The following TBCK variants were observed in gnomAD, a reference collection of about 807,000 sequenced individuals.
The protein encoded by TBCK is TBC1 domain containing kinase.
In TBCK, 99 loss-of-function variants were observed where a neutral mutation model predicts 113.4. That is an observed-to-expected ratio of 0.87 (90% CI 0.74 to 1.03). The LOEUF (loss-of-function observed/expected upper bound fraction) is 1.03. TBCK is among the 50% of genes least tolerant of loss of function. TBCK has a pLI of 0.00. For synonymous variants in TBCK, 369 were observed against 370.8 expected (o/e 1.00, Z 0.05); for missense variants, 1,045 against 1,061.3 (o/e 0.98, Z 0.21).
chr4:106,291,777 T>C (rs1765738331), intron 3 of TBCK, among the ~76,000 whole-genome samples: 1 of 152,194 alleles, frequency 6.6e-6, no homozygotes, highest in South Asian at 2.1e-4. Context: ...TAGGAGAGGA[T>C]GCCGATCAAA....
rs1376230073 is a variant in TBCK at position 106,143,856 on chromosome 4, G to A, written c.2235+27239C>T. 2.0e-5 allele frequency among the ~76,000 whole-genome samples: 3 copies of A among 151,408 alleles called. No homozygotes were observed. The East Asian group carries it at 5.8e-4, about 29-fold the overall frequency. On this transcript the variant is annotated intron_variant, in intron 23 of 25. Coordinates refer to ENST00000394708, the MANE Select transcript of TBCK (RefSeq NM_001163435.3). ...TTGAACCCAGGAGGCAGAGGTTGCA[G>A]TGAGCCGAGACTGTGCCATTGCACT... is the stretch of plus-strand genomic sequence containing the variant.
Position 106,074,818 on chromosome 4 carries a change from T to G in TBCK, c.2571+20664A>C, listed in dbSNP as rs77272468. Among the ~76,000 whole-genome samples, 591 of 152,238 alleles carry G rather than the reference T, an allele frequency of 3.9e-3. 5 individuals are homozygous for G. The highest frequency in any genetic ancestry group is 0.014 in the African/African-American group (563 of 41,538). The stretch of plus-strand genomic sequence containing the variant: ...GCCAGAGGGACCAGTTGTTGGTAAA[T>G]GTGTTGTGGAGAGAAGGCTTCCTGG... On this transcript the variant is annotated intron_variant, in intron 25 of 25. Transcript: ENST00000394708.
chr4:106,186,014 A>C (rs1346822004), intron 22 of TBCK, among the ~76,000 whole-genome samples: 1 of 152,162 alleles, frequency 6.6e-6, no homozygotes, highest in Non-Finnish European at 1.5e-5. Flanking sequence ...AAGTATGTTA[A>C]AGATAATGGC....
intron 25 of TBCK, among the ~76,000 whole-genome samples, chr4:106,064,203 T>G (rs1578786426): frequency 6.6e-6 from 1 of 151,282 alleles, no homozygotes; most frequent in East Asian, 1.9e-4. Context: ...TGCAATGGCA[T>G]GTCTTGCTTA....
At chr4:106,157,314 T>C (rs1403004646) in intron 23 of TBCK, among the ~76,000 whole-genome samples, 2 of 151,980 alleles carry the variant, frequency 1.3e-5, no homozygotes, top group Non-Finnish European at 2.9e-5. Context: ...GGGTTTGGGG[T>C]AGGGGTGGTG....
At chr4:106,227,922 T>C (rs1025949850) in intron 19 of TBCK, among the ~76,000 whole-genome samples, 5 of 151,954 alleles carry the variant, frequency 3.3e-5, no homozygotes, top group Non-Finnish European at 1.5e-5. Flanking sequence ...AAATAAATAA[T>C]AGCACTTATT....
At chr4:106,215,611 G>C (rs935707371) in intron 19 of TBCK, among the ~76,000 whole-genome samples, 7 of 152,236 alleles carry the variant, frequency 4.6e-5, no homozygotes, top group Admixed American at 6.5e-5. Context: ...GATCAAAAGA[G>C]ACAAAGAAGG....
chr4:106,161,248 A>G (rs1203177789), intron 23 of TBCK, among the ~76,000 whole-genome samples: 1 of 152,140 alleles, frequency 6.6e-6, no homozygotes, highest in Non-Finnish European at 1.5e-5. Context: ...GATCCCTACA[A>G]ATACAAATAA....
intron 3 of TBCK, among the ~76,000 whole-genome samples, chr4:106,263,122 A>C (rs1195236508): frequency 6.6e-6 from 1 of 151,944 alleles, no homozygotes; most frequent in Non-Finnish European, 1.5e-5. Flanking sequence ...TTAATCAAAA[A>C]TTGTTCACAT....
At chr4:106,078,405 G>GA (rs1160472279) in intron 25 of TBCK, among the ~76,000 whole-genome samples, 6 of 151,808 alleles carry the variant, frequency 4.0e-5, no homozygotes, top group Non-Finnish European at 7.4e-5. Flanking sequence ...GATTAATAAA[G>GA]AAAAAAGAAG....
rs1300827145 is a variant in TBCK at position 106,043,958 on chromosome 4, T to A, written c.*2612A>T. The A allele has an allele frequency of 6.6e-6, 1 of 152,202 alleles. No individual in the cohort carries two copies. Among genetic ancestry groups the A allele is most frequent in the Non-Finnish European group, 1.5e-5 (1 of 68,020 alleles). The allele number at this position is 152,202 out of a possible 1,614,324, so 9.4% of individuals were successfully genotyped here. The stretch of plus-strand genomic sequence containing the variant: ...CCACCATGAAATAACATGCCCTGTG[T>A]ATAAACATGGCAGTGATAGTGTGCT... On this transcript the variant is annotated 3_prime_UTR_variant, in exon 26 of 26. Transcript: ENST00000394708.
intron 2 of TBCK, among the ~76,000 whole-genome samples, chr4:106,296,102 A>G (rs1222710382): frequency 6.6e-6 from 1 of 152,204 alleles, no homozygotes; most frequent in Non-Finnish European, 1.5e-5. Flanking sequence ...CAACTGATCA[A>G]GATGGCACAG....
At chr4:106,114,913 C>T (rs932082397) in intron 24 of TBCK, among the ~76,000 whole-genome samples, 2 of 152,170 alleles carry the variant, frequency 1.3e-5, no homozygotes, top group African/African-American at 2.4e-5. Context: ...GTCCACTCAT[C>T]CACTCTGCAA....
intron 23 of TBCK, among the ~76,000 whole-genome samples, chr4:106,156,619 T>C (rs1025664424): frequency 6.6e-6 from 1 of 152,184 alleles, no homozygotes; most frequent in Non-Finnish European, 1.5e-5. Flanking sequence ...CTGCTTTCCA[T>C]AGGCAGAAGG....
intron 22 of TBCK, among the ~76,000 whole-genome samples, chr4:106,175,983 G>A (rs1264830902): frequency 1.3e-5 from 2 of 151,922 alleles, no homozygotes; most frequent in Non-Finnish European, 2.9e-5. Context: ...ATAAAGACTT[G>A]AACAAAACAT....
chr4:106,178,759 T>C lies in TBCK; in HGVS notation c.2060-7489A>G, dbSNP rs565565806. On this transcript the variant is annotated intron_variant, in intron 22 of 25. Coordinates refer to ENST00000394708, the MANE Select transcript of TBCK (RefSeq NM_001163435.3). ...TTTTCATCTATGTCCATCAGGGATATTGGTATTTAGAATGAGTTTGAAAGT... is the reference window on the plus strand; with the variant it reads ...TTTTCATCTATGTCCATCAGGGATACTGGTATTTAGAATGAGTTTGAAAGT... Among the ~76,000 whole-genome samples the C allele has an allele frequency of 8.5e-5, 13 of 152,086 alleles. No homozygotes were observed. In the East Asian group the frequency reaches 1.9e-3, roughly 23 times the overall value.
intron 20 of TBCK, among the ~76,000 whole-genome samples, chr4:106,208,561 C>T (rs1032961789): frequency 2.0e-5 from 3 of 152,124 alleles, no homozygotes; most frequent in African/African-American, 7.2e-5. Flanking sequence ...GGTAAGGGTG[C>T]TGTCCAACTC....
intron 23 of TBCK, among the ~76,000 whole-genome samples, chr4:106,121,725 C>G (rs1744410617): frequency 1.3e-5 from 2 of 152,182 alleles, no homozygotes; most frequent in Non-Finnish European, 2.9e-5. Flanking sequence ...GAATCTTACT[C>G]AAAACCACTC....
rs745936907 is a variant in TBCK, at chr4:106,308,925, A to G, written c.36T>C (p.Phe12=). 1 of 1,614,134 alleles carries G rather than the reference A, an allele frequency of 6.2e-7. No homozygotes were observed. The highest frequency in any genetic ancestry group is 1.6e-4 in the Middle Eastern group (1 of 6,062). The change falls in exon 2 of 26, where the codon TTT becomes TTC. Residue 12 remains phenylalanine (F), a synonymous_variant. Transcript: ENST00000394708. ...FPLKDAEMGA[F]TFFASALPHD... is the part of the protein sequence containing the mutation. ...GTGGCAGAGCCGAGGCAAAGAAGGT[A>G]AAGGCTCCCATTTCAGCGTCCTTCA...
Sources: allele counts gnomAD v4.1 joint callset (sites outside exome capture counted in the v4.1 genomes callset), GRCh38; gene constraint gnomAD v4.1.1; transcripts MANE v1.5; gene names NCBI Gene and HGNC (gene_info 2026-07-23, HGNC 2026-07-21).